Variants in RASAL2 observed in about 807,000 individuals in gnomAD.
RASAL2 encodes RAS protein activator like 2, also known as ras GTPase-activating protein nGAP.
RASAL2 carries 58 observed loss-of-function variants against 128.9 expected under a neutral mutation model. The ratio of observed to expected loss-of-function variants is 0.45; its 90% CI spans 0.36 to 0.56. RASAL2 has a LOEUF of 0.56. Among genes scored for constraint, RASAL2 ranks in the 20% least tolerant of loss-of-function variants. The probability of loss-of-function intolerance (pLI) is 0.00; values close to 1 mark genes in which losing one functional copy is unlikely to be tolerated. For synonymous variants in RASAL2, 561 were observed against 580.8 expected, an observed-to-expected ratio of 0.97 and a Z score of 0.49; for missense variants, 1,360 against 1,601.6, an observed-to-expected ratio of 0.85 and a Z score of 2.57.
chr1:178,275,336 A>G lies in RASAL2; in HGVS notation c.203-8228A>G, dbSNP rs570703425. On this transcript the variant is annotated intron_variant, in intron 1 of 17. Coordinates refer to ENST00000367649, the MANE Select transcript of RASAL2 (RefSeq NM_170692.4). ...GCTGGGACTATAGAGGCATGCCCTG[A>G]TATCCCAGCAGGACTTATTTCTTCA... Among the ~76,000 whole-genome samples the G allele has an allele frequency of 2.0e-5, 3 of 152,326 alleles. No individual in the cohort carries two copies. The South Asian group carries it at 6.2e-4, about 32-fold the overall frequency.
At position 178,131,882 on chromosome 1, in the gene RASAL2, T is replaced by C. The variant is rs777277592; in HGVS notation, c.202+37188T>C. 3.5e-4 allele frequency among the ~76,000 whole-genome samples: 53 copies of C among 152,322 alleles called. 2 individuals are homozygous for C. The highest frequency in any genetic ancestry group is 7.1e-4 in the Non-Finnish European group (48 of 68,024). ...AAGTAACAATTACATGCTACCTGAA[T>C]GCCCTCAGTAGTTTTGAACATGGTG... On this transcript the variant is annotated intron_variant, in intron 1 of 17. Coordinates refer to ENST00000367649, the MANE Select transcript of RASAL2 (RefSeq NM_170692.4).
At chr1:178,456,415 G>C in intron 12 of RASAL2, 1 of 422,424 alleles carries the variant, frequency 2.4e-6, no homozygotes, top group East Asian at 4.2e-5. Context: ...GCCTATTTTA[G>C]TTGGAATGGC....
At chr1:178,214,139 C>G (rs1365729058) in intron 1 of RASAL2, among the ~76,000 whole-genome samples, 1 of 151,970 alleles carries the variant, frequency 6.6e-6, no homozygotes, top group African/African-American at 2.4e-5. Flanking sequence ...GCGTGGTAAT[C>G]CATGTCTGTA....
chr1:178,190,333 G>C (rs569340824), intron 1 of RASAL2, among the ~76,000 whole-genome samples: 1 of 150,760 alleles, frequency 6.6e-6, no homozygotes, highest in East Asian at 1.9e-4. Flanking sequence ...AAAACCAAAA[G>C]AATACTCTGA....
chr1:178,161,280 T>TC lies in RASAL2; in HGVS notation c.202+66590dup, dbSNP rs1487340368. Among the ~76,000 whole-genome samples, 5 of 152,164 alleles carry TC rather than the reference T, an allele frequency of 3.3e-5. No homozygotes were observed. The East Asian group carries it at 9.6e-4, about 29-fold the overall frequency. On this transcript the variant is annotated intron_variant, in intron 1 of 17. Transcript: ENST00000367649. ...CCCTTATGCATTGTCATTGTTCATT[T>TC]CCCCTCCCTCAGGCCCTGGCAACCA...
At chr1:178,146,377 C>G (rs1660731406) in intron 1 of RASAL2, among the ~76,000 whole-genome samples, 1 of 152,320 alleles carries the variant, frequency 6.6e-6, no homozygotes, top group East Asian at 1.9e-4. Context: ...TTTATTTAGC[C>G]TGTATAATGC....
intron 3 of RASAL2, among the ~76,000 whole-genome samples, chr1:178,317,855 G>T (rs369445612): frequency 0.083 from 12,150 of 145,978 alleles, 563 homozygotes; most frequent in Middle Eastern, 0.14. Flanking sequence ...TGTTTGCTCT[G>T]GCTTTTCTAG....
intron 3 of RASAL2, among the ~76,000 whole-genome samples, chr1:178,311,990 A>G (rs1269629143): frequency 1.3e-5 from 2 of 152,112 alleles, no homozygotes; most frequent in Non-Finnish European, 2.9e-5. Context: ...GCTTTTGTCT[A>G]CTAAAAAATT....
intron 3 of RASAL2, among the ~76,000 whole-genome samples, chr1:178,336,375 TA>T (rs1042463293): frequency 8.9e-4 from 136 of 152,212 alleles, no homozygotes; most frequent in African/African-American, 3.2e-3. Flanking sequence ...GATTGTACCA[TA>T]AGATCTATGC....
Position 178,358,238 on chromosome 1 carries a change from A to T in RASAL2, c.458-31862A>T, listed in dbSNP as rs111493354. On this transcript the variant is annotated intron_variant, in intron 3 of 17. Coordinates refer to ENST00000367649, the MANE Select transcript of RASAL2 (RefSeq NM_170692.4). ...GTGACAGAGTGAGACTCTGTCTCCTAAAAAAAAAAAAAAAAAAAAAAAAAA... is the reference window on the plus strand; with the variant it reads ...GTGACAGAGTGAGACTCTGTCTCCTTAAAAAAAAAAAAAAAAAAAAAAAAA... Among the ~76,000 whole-genome samples, 336 of 59,632 alleles carry T rather than the reference A, an allele frequency of 5.6e-3. 1 individual carries two copies. The highest frequency in any genetic ancestry group is 0.046 in the African/African-American group (289 of 6,314). The allele number at this position is 59,632 out of a possible 152,430, so 39.1% of individuals were successfully genotyped here.
chr1:178,380,430 G>T (rs1571964326), intron 3 of RASAL2, among the ~76,000 whole-genome samples: 1 of 152,116 alleles, frequency 6.6e-6, no homozygotes, highest in Admixed American at 6.5e-5. Context: ...GTGAGTTAGA[G>T]GTAACTAGAA....
In RASAL2 at chr1:178,451,501, C is replaced by T; in HGVS notation, c.1628-70C>T. 4 of 1,464,330 alleles carry T rather than the reference C, an allele frequency of 2.7e-6. No homozygotes were observed. In the South Asian group the frequency reaches 5.5e-5, roughly 20 times the overall value. 90.7% of individuals were successfully genotyped at this position (1,464,330 alleles called of 1,614,324 possible). A position where few individuals can be genotyped will look rare whatever the true frequency, so the allele number is the denominator to read the frequency against. Reference sequence around the variant, plus strand: ...CCATTATACGTTTTAGGACAGAAATCATAAGTCCTTTTATTCTATTCAGGA... The same window carrying T: ...CCATTATACGTTTTAGGACAGAAATTATAAGTCCTTTTATTCTATTCAGGA... On this transcript the variant is annotated intron_variant, in intron 9 of 17. Transcript: ENST00000367649.
intron 3 of RASAL2, among the ~76,000 whole-genome samples, chr1:178,360,245 C>A (rs1671037345): frequency 6.6e-6 from 1 of 152,164 alleles, no homozygotes; most frequent in Non-Finnish European, 1.5e-5. Context: ...CAACTTCTAA[C>A]CCTTCTGGCA....
In RASAL2 at chr1:178,417,114, T is replaced by C. The variant is rs566194726; in HGVS notation, c.565-3397T>C. Among the ~76,000 whole-genome samples the C allele has an allele frequency of 3.3e-5, 5 of 152,188 alleles. No homozygotes were observed. The South Asian group carries it at 1.0e-3, about 32-fold the overall frequency. On this transcript the variant is annotated intron_variant, in intron 4 of 17. Coordinates refer to ENST00000367649, the MANE Select transcript of RASAL2 (RefSeq NM_170692.4). ...TGATTTTCTATTTCTTTCTCTTTTC[T>C]CCTTTTGGTATTCCCATTACACGTT... is the stretch of plus-strand genomic sequence containing the variant.
At position 178,190,599 on chromosome 1, in the gene RASAL2, G is replaced by T. The variant is rs573327875; in HGVS notation, c.203-92965G>T. ...AATCTATCTAGCTAGAATAAACTAC[G>T]TGCAAAGTAAAGAACAAGGAGTCCG... On this transcript the variant is annotated intron_variant, in intron 1 of 17. Transcript: ENST00000367649. Among the ~76,000 whole-genome samples the T allele has an allele frequency of 8.5e-5, 13 of 152,190 alleles. No individual in the cohort carries two copies. In the South Asian group the frequency reaches 2.5e-3, roughly 29 times the overall value.
intron 1 of RASAL2, among the ~76,000 whole-genome samples, chr1:178,126,969 T>G (rs566520624): frequency 6.6e-6 from 1 of 152,202 alleles, no homozygotes; most frequent in Non-Finnish European, 1.5e-5. Flanking sequence ...CACCCACTTA[T>G]AGCAGCTAGA....
intron 3 of RASAL2, among the ~76,000 whole-genome samples, chr1:178,330,722 A>T (rs1669256527): frequency 6.6e-6 from 1 of 152,126 alleles, no homozygotes. Context: ...GTGTATAAAG[A>T]GGTAAGGTTT....
chr1:178,398,252 T>C (rs1673374271), intron 4 of RASAL2, among the ~76,000 whole-genome samples: 2 of 152,126 alleles, frequency 1.3e-5, no homozygotes, highest in Non-Finnish European at 2.9e-5. Flanking sequence ...AAGCATAATA[T>C]TTAGTTTAAA....
chr1:178,406,272 T>C (rs1673993190), intron 4 of RASAL2, among the ~76,000 whole-genome samples: 1 of 152,186 alleles, frequency 6.6e-6, no homozygotes, highest in Non-Finnish European at 1.5e-5. Flanking sequence ...AGGAGCAAAC[T>C]GTACATGCAA....
Sources: allele counts gnomAD v4.1 joint callset (sites outside exome capture counted in the v4.1 genomes callset), GRCh38; gene constraint gnomAD v4.1.1; transcripts MANE v1.5; gene names NCBI Gene and HGNC (gene_info 2026-07-23, HGNC 2026-07-21).